The following MYH11 variants were observed in gnomAD, a reference collection of about 807,000 sequenced individuals.
MYH11 encodes myosin heavy chain 11.
MYH11 carries 80 observed loss-of-function variants against 246.6 expected under a neutral mutation model. The observed-to-expected ratio is 0.32, with a 90% CI of 0.27 to 0.39. The LOEUF (loss-of-function observed/expected upper bound fraction) is 0.39. Ranked by LOEUF, MYH11 falls within the 10% of genes least tolerant of loss-of-function variation. The probability of loss-of-function intolerance (pLI) is 1.00; values close to 1 mark genes in which losing one functional copy is unlikely to be tolerated. For missense variants in MYH11, 2,158 were observed against 2,546.8 expected, an observed-to-expected ratio of 0.85 and a Z score of 3.29; for synonymous variants, 1,071 against 1,015.5, an observed-to-expected ratio of 1.05 and a Z score of -1.04.
intron 19 of MYH11, 63 bp from the exon 20 acceptor site, chr16:15,745,300 C>G: frequency 2.5e-6 from 3 of 1,213,992 alleles, no homozygotes; most frequent in South Asian, 2.4e-5. Flanking sequence ...CAACAGAGCC[C>G]TGCCCTGCAG....
rs746765174 is a variant in MYH11, at chr16:15,778,820, G to A, written c.750C>T (p.Phe250=). 5.0e-6 allele frequency: 8 copies of A among 1,613,952 alleles called. No homozygotes were observed. The highest frequency in any genetic ancestry group is 2.7e-5 in the African/African-American group (2 of 74,874). ...SRFGKFIRIN[F]DVTGYIVGAN... The stretch of plus-strand genomic sequence containing the variant: ...CTCCCACGATGTAACCCGTGACGTC[G>A]AAGTTGATGCGGATGAATTTGCCCT... Residue 250 remains phenylalanine, a synonymous_variant, in exon 7 of 41, where the codon TTC becomes TTT. Transcript: ENST00000300036.
rs1056109671 is a variant in MYH11 at position 15,708,368 on chromosome 16, G to A, written c.5787-4245C>T. ...AACTAGAAGCCAAGTACGTTCTCCA[G>A]GAATGTGCCCAGATAGTGGAACTGT... On this transcript the variant is annotated intron_variant, in intron 40 of 40. Coordinates refer to ENST00000300036, the MANE Select transcript of MYH11 (RefSeq NM_002474.3). 3.3e-5 allele frequency among the ~76,000 whole-genome samples: 5 copies of A among 152,294 alleles called. No individual in the cohort carries two copies. In the East Asian group the frequency reaches 9.6e-4, roughly 29 times the overall value.
Position 15,776,179 on chromosome 16 carries a change from G to T in MYH11, c.791-3C>A. 4 of 1,609,128 alleles carry T rather than the reference G, an allele frequency of 2.5e-6. No homozygotes were observed. The highest frequency in any genetic ancestry group is 2.6e-6 in the Non-Finnish European group (3 of 1,175,460). ...TGCCCGTGATTTTTCTAGCAGATCTGGTTTGGAGGGAGTTAGGGATTCTGG... is the reference window on the plus strand; with the variant it reads ...TGCCCGTGATTTTTCTAGCAGATCTTGTTTGGAGGGAGTTAGGGATTCTGG... On this transcript the variant is annotated splice_polypyrimidine_tract_variant and splice_region_variant and intron_variant, in intron 7 of 40. Transcript: ENST00000300036.
chr16:15,837,872 G>T lies in MYH11; in HGVS notation c.345+36C>A. ...TTCTAATGCCTACTTTCCTTATGAG[G>T]CCAGGAGTAGGTACCTGGCTGCCTG... On this transcript the variant is annotated intron_variant, in intron 2 of 40. Coordinates refer to ENST00000300036, the MANE Select transcript of MYH11 (RefSeq NM_002474.3). 3.8e-6 allele frequency: 6 copies of T among 1,569,998 alleles called. No homozygotes were observed. The East Asian group carries it at 1.1e-4, about 29-fold the overall frequency.
At chr16:15,721,195 CT>C (rs775432353) in intron 32 of MYH11, 144 bp from the exon 33 acceptor site, 10 of 1,013,702 alleles carry the variant, frequency 9.9e-6, no homozygotes, top group Non-Finnish European at 1.5e-5. Flanking sequence ...AAGATGACCC[CT>C]GAGAGTTCAG....
chr16:15,725,414 G>A (rs1049387319), intron 28 of MYH11: 30 of 501,376 alleles, frequency 6.0e-5, no homozygotes, highest in South Asian at 1.5e-4. Context: ...GTACTTGAAC[G>A]TCCCAGGGAT....
chr16:15,832,180 T>A (rs1478940103), intron 2 of MYH11, among the ~76,000 whole-genome samples: 1 of 152,146 alleles, frequency 6.6e-6, no homozygotes, highest in Non-Finnish European at 1.5e-5. Flanking sequence ...GGAGGGCTTC[T>A]CCTGACCCCC....
intron 2 of MYH11, among the ~76,000 whole-genome samples, chr16:15,834,375 A>G (rs1055015341): frequency 6.6e-6 from 1 of 151,958 alleles, no homozygotes; most frequent in Admixed American, 6.6e-5. Context: ...AAAATACAAA[A>G]ATCAGCCAGG....
At chr16:15,828,926 T>C (rs1476200349) in intron 2 of MYH11, among the ~76,000 whole-genome samples, 1 of 150,054 alleles carries the variant, frequency 6.7e-6, no homozygotes, top group East Asian at 2.0e-4. Flanking sequence ...GCTCACACCT[T>C]TAATGCCAGC....
chr16:15,764,338 C>T (rs1241060390), intron 9 of MYH11, among the ~76,000 whole-genome samples: 1 of 152,078 alleles, frequency 6.6e-6, no homozygotes, highest in East Asian at 1.9e-4. Context: ...GCTACAACTA[C>T]CACAAATCAA....
chr16:15,716,727 C>T (rs575957274), intron 38 of MYH11, among the ~76,000 whole-genome samples: 3 of 152,252 alleles, frequency 2.0e-5, no homozygotes, highest in East Asian at 3.9e-4. Flanking sequence ...TTGGCCAGGC[C>T]GGTCTCAAAC....
At chr16:15,746,825 T>C (rs1281556496) in intron 19 of MYH11, among the ~76,000 whole-genome samples, 1 of 152,166 alleles carries the variant, frequency 6.6e-6, no homozygotes, top group Admixed American at 6.6e-5. Flanking sequence ...CAGTGGGTCA[T>C]GCCTATAATC....
chr16:15,784,952 G>A, intron 5 of MYH11: 1 of 459,488 alleles, frequency 2.2e-6, no homozygotes, highest in Non-Finnish European at 3.9e-6. Context: ...TCCTGCCTCA[G>A]CCTCCCAAGT....
chr16:15,807,767 C>T (rs2043048238), intron 3 of MYH11, among the ~76,000 whole-genome samples: 12 of 152,164 alleles, frequency 7.9e-5, no homozygotes, highest in Admixed American at 7.9e-4. Context: ...CCCACCCAGC[C>T]TCGGATGTGT....
chr16:15,799,855 A>G (rs1200735390), intron 3 of MYH11, among the ~76,000 whole-genome samples: 1 of 152,216 alleles, frequency 6.6e-6, no homozygotes, highest in Non-Finnish European at 1.5e-5. Flanking sequence ...TTTACATTGT[A>G]TCTCTAGTAC....
intron 2 of MYH11, among the ~76,000 whole-genome samples, chr16:15,834,011 G>A (rs1472064611): frequency 6.6e-6 from 1 of 152,138 alleles, no homozygotes; most frequent in African/African-American, 2.4e-5. Flanking sequence ...TTGAAGCTTT[G>A]ATTCATTTAT....
chr16:15,737,716 A>G, intron 24 of MYH11, 96 bp from the exon 25 acceptor site: 1 of 1,331,560 alleles, frequency 7.5e-7, no homozygotes, highest in Non-Finnish European at 1.1e-6. Context: ...GAGGAGATGA[A>G]CACATCCCCC....
chr16:15,846,001 A>G (rs1231127877), intron 1 of MYH11, among the ~76,000 whole-genome samples: 1 of 152,154 alleles, frequency 6.6e-6, no homozygotes, highest in Non-Finnish European at 1.5e-5. Context: ...TGGGAGGCTG[A>G]GTCAGGAGAA....
intron 2 of MYH11, among the ~76,000 whole-genome samples, chr16:15,837,434 G>C (rs777243083): frequency 6.6e-6 from 1 of 152,066 alleles, no homozygotes; most frequent in African/African-American, 2.4e-5. Context: ...CCAAGGCTTC[G>C]AGAGAGGAAA....
Sources: allele counts gnomAD v4.1 joint callset (sites outside exome capture counted in the v4.1 genomes callset), GRCh38; gene constraint gnomAD v4.1.1; transcripts MANE v1.5; gene names NCBI Gene and HGNC (gene_info 2026-07-23, HGNC 2026-07-21).